PACSIN2: variants seen among roughly 807,000 people sequenced by gnomAD.
PACSIN2 encodes protein kinase C and casein kinase substrate in neurons 2, also known as protein kinase C and casein kinase substrate in neurons protein 2.
Under a neutral mutation model 63.8 loss-of-function variants are expected in PACSIN2, and 25 were observed. The observed-to-expected ratio is 0.39, with a 90% CI of 0.29 to 0.55. The LOEUF is 0.55. Among genes scored for constraint, PACSIN2 ranks in the 20% least tolerant of loss-of-function variants. PACSIN2 has a pLI of 0.62. For missense variants in PACSIN2, 518 were observed against 646.9 expected (o/e 0.80, Z 2.16); for synonymous variants, 255 against 256.2 (o/e 1.00, Z 0.05).
chr22:42,981,638 G>A (rs1922147050), intron 1 of PACSIN2, among the ~76,000 whole-genome samples: 2 of 127,446 alleles, frequency 1.6e-5, no homozygotes, highest in Admixed American at 1.4e-4. Context: ...GCCCCGTCCG[G>A]GAGGGAGGTG....
chr22:42,875,090 T>C (rs1928502553), intron 10 of PACSIN2, among the ~76,000 whole-genome samples: 6 of 152,040 alleles, frequency 3.9e-5, no homozygotes, highest in Admixed American at 3.9e-4. Context: ...GACCTCGTGA[T>C]CTGTGTGCCT....
intron 2 of PACSIN2, among the ~76,000 whole-genome samples, chr22:42,898,712 G>C (rs531628665): frequency 6.6e-6 from 1 of 151,944 alleles, no homozygotes; most frequent in Non-Finnish European, 1.5e-5. Flanking sequence ...CCCAGGACTC[G>C]CCCTGCCGCC....
At chr22:42,921,354 G>A (rs547844734) in intron 1 of PACSIN2, among the ~76,000 whole-genome samples, 229 of 141,008 alleles carry the variant, frequency 1.6e-3, no homozygotes, top group African/African-American at 5.6e-3. Context: ...GTGAGACTCC[G>A]TCTCAAAAAA....
intron 1 of PACSIN2, among the ~76,000 whole-genome samples, chr22:42,968,388 G>A (rs966188197): frequency 3.9e-5 from 6 of 152,134 alleles, no homozygotes; most frequent in African/African-American, 1.2e-4. Context: ...ATTCCAGGAC[G>A]CTACCATTAT....
intron 2 of PACSIN2, among the ~76,000 whole-genome samples, chr22:42,895,639 T>C (rs922395374): frequency 1.3e-5 from 2 of 152,250 alleles, no homozygotes; most frequent in African/African-American, 4.8e-5. Context: ...TCTTGAAATG[T>C]GGAAATCCGT....
rs548362401 is a variant in PACSIN2 at position 42,884,014 on chromosome 22, A to AAAAAAGAAAAGAAAAGAAAAG, written c.785+371_785+372insCTTTTCTTTTCTTTTCTTTTT. 9.0e-3 allele frequency among the ~76,000 whole-genome samples: 1,360 copies of AAAAAAGAAAAGAAAAGAAAAG among 151,914 alleles called. 17 individuals are homozygous for AAAAAAGAAAAGAAAAGAAAAG. Among genetic ancestry groups the AAAAAAGAAAAGAAAAGAAAAG allele is most frequent in the African/African-American group, 0.031 (1,284 of 41,250 alleles). On this transcript the variant is annotated intron_variant, in intron 6 of 10. Coordinates refer to ENST00000263246, the MANE Select transcript of PACSIN2 (RefSeq NM_001184970.3). The stretch of plus-strand genomic sequence containing the variant: ...AAGCAAGACTCCGTCTCAAAAAAAA[A>AAAAAAGAAAAGAAAAGAAAAG]AAAAGAAAAGAAAAGATATGCCAGC...
intron 1 of PACSIN2, among the ~76,000 whole-genome samples, chr22:42,981,878 A>G (rs1242611683): frequency 1.3e-4 from 8 of 60,770 alleles, no homozygotes; most frequent in South Asian, 8.4e-4. Flanking sequence ...AGGTGGGGGG[A>G]TCAGCCCCCC....
At chr22:42,986,354 A>G (rs1922609418) in intron 1 of PACSIN2, among the ~76,000 whole-genome samples, 1 of 152,156 alleles carries the variant, frequency 6.6e-6, no homozygotes, top group Non-Finnish European at 1.5e-5. Flanking sequence ...GCGGCCCCCA[A>G]AGAAAACACT....
intron 1 of PACSIN2, among the ~76,000 whole-genome samples, chr22:42,957,052 G>A (rs1352172104): frequency 6.6e-6 from 1 of 152,170 alleles, no homozygotes; most frequent in Non-Finnish European, 1.5e-5. Context: ...AATTATGGGA[G>A]AAGCGAACTA....
Position 42,890,970 on chromosome 22 carries a change from GCTTCTGTGC to G in PACSIN2, c.421_429del (p.Ala141_Lys143del). On this transcript the variant is annotated inframe_deletion, in exon 4 of 11. Transcript: ENST00000263246. ...ACCTCTTTCAGCTTCTTGGCCCAGG[GCTTCTGTGC>G]CTTCCGAAAGCCGTCCTCAGCTTCC... 6.2e-7 allele frequency: 1 copy of G among 1,614,090 alleles called. No homozygotes were observed. The highest frequency in any genetic ancestry group is 8.5e-7 in the Non-Finnish European group (1 of 1,179,996).
intron 1 of PACSIN2, among the ~76,000 whole-genome samples, chr22:42,986,130 A>C (rs1922595423): frequency 6.6e-6 from 1 of 152,218 alleles, no homozygotes; most frequent in South Asian, 2.1e-4. Flanking sequence ...AGAAACAGTA[A>C]GCATTAGGCA....
At chr22:42,901,377 C>T (rs187799583) in intron 2 of PACSIN2, among the ~76,000 whole-genome samples, 124 of 152,322 alleles carry the variant, frequency 8.1e-4, no homozygotes, top group Middle Eastern at 6.8e-3. Context: ...AATTCCAAGT[C>T]TGCAGTTGGC....
intron 1 of PACSIN2, among the ~76,000 whole-genome samples, chr22:42,913,073 C>T (rs1338062362): frequency 6.6e-6 from 1 of 152,204 alleles, no homozygotes; most frequent in Non-Finnish European, 1.5e-5. Flanking sequence ...GCAAGAAACA[C>T]AGACTCCAGA....
chr22:43,000,431 T>G (rs1012210211), intron 1 of PACSIN2, among the ~76,000 whole-genome samples: 3 of 152,212 alleles, frequency 2.0e-5, no homozygotes, highest in Admixed American at 1.3e-4. Context: ...ACTGCTAACA[T>G]GAGGCTTTTG....
At position 42,876,269 on chromosome 22, in the gene PACSIN2, G is replaced by C. The variant is rs1341724272; in HGVS notation, c.1216C>G (p.Pro406Ala). ...CCATTGGCATCCGTGGAGGAGAAGG[G>C]GTTGTTAGACTCATCGTCTGACCAG... ...TDWSDDESNN[P>A]FSSTDANGDS... Residue 406 changes from proline (P) to alanine (A), a missense_variant, in exon 10 of 11, where the codon CCC becomes GCC. Physicochemically the swap from Pro to Ala is conservative, Grantham distance 27. Around this residue, in one of 2 missense-constraint regions of PACSIN2, gnomAD observed 507 missense variants for 612.3 expected, o/e 0.83. Transcript: ENST00000263246. 1 of 1,614,086 alleles carries C rather than the reference G, an allele frequency of 6.2e-7. No individual in the cohort carries two copies. Among genetic ancestry groups the C allele is most frequent in the Non-Finnish European group, 8.5e-7 (1 of 1,180,040 alleles).
intron 1 of PACSIN2, among the ~76,000 whole-genome samples, chr22:42,975,770 T>G (rs1921660961): frequency 6.6e-6 from 1 of 152,036 alleles, no homozygotes; most frequent in African/African-American, 2.4e-5. Context: ...GTTCTCCAGC[T>G]AGGAGGTTGG....
At chr22:42,972,724 T>C (rs1195121357) in intron 1 of PACSIN2, among the ~76,000 whole-genome samples, 1 of 152,104 alleles carries the variant, frequency 6.6e-6, no homozygotes, top group African/African-American at 2.4e-5. Context: ...TGCCTCACTC[T>C]AAGAAAAGTC....
chr22:42,982,735 C>T (rs1490264265), intron 1 of PACSIN2, among the ~76,000 whole-genome samples: 6 of 139,200 alleles, frequency 4.3e-5, no homozygotes, highest in East Asian at 4.2e-4. Flanking sequence ...ACAAACACTG[C>T]GGAAGGCTGC....
At chr22:42,919,460 A>G (rs567551786) in intron 1 of PACSIN2, among the ~76,000 whole-genome samples, 1 of 152,282 alleles carries the variant, frequency 6.6e-6, no homozygotes, top group African/African-American at 2.4e-5. Flanking sequence ...CCAGTGGTTG[A>G]CTGATTATTT....
Sources: allele counts gnomAD v4.1 joint callset (sites outside exome capture counted in the v4.1 genomes callset), GRCh38; gene constraint gnomAD v4.1.1; regional missense constraint gnomAD v4.1.1; transcripts MANE v1.5; gene names NCBI Gene and HGNC (gene_info 2026-07-23, HGNC 2026-07-21).